Variants in GRIK2 observed in about 807,000 individuals in gnomAD.
GRIK2 encodes glutamate receptor ionotropic, kainate 2.
In GRIK2, 32 loss-of-function variants were observed where a neutral mutation model predicts 100.3. That is an observed-to-expected ratio of 0.32 (90% CI 0.24 to 0.43). The LOEUF (loss-of-function observed/expected upper bound fraction) is 0.43, where lower values mean the gene tolerates loss of function less well. GRIK2 is among the 20% of genes least tolerant of loss of function. GRIK2 has a pLI of 1.00. For synonymous variants in GRIK2, 417 were observed against 389.4 expected (o/e 1.07, Z -0.83); for missense variants, 843 against 1,114.9 (o/e 0.76, Z 3.47).
chr6:101,397,977 T>A (rs1775081587), intron 1 of GRIK2, among the ~76,000 whole-genome samples: 1 of 152,034 alleles, frequency 6.6e-6, no homozygotes, highest in Non-Finnish European at 1.5e-5. Context: ...AATAAAAATG[T>A]ATTTTTATGT....
intron 7 of GRIK2, among the ~76,000 whole-genome samples, chr6:101,707,606 G>GTA (rs201561174): frequency 0.072 from 8,843 of 122,750 alleles, 435 homozygotes; most frequent in East Asian, 0.2. Context: ...ATATATGTGT[G>GTA]TATATATATA....
At chr6:101,464,497 C>CTTTTTTT in intron 2 of GRIK2, among the ~76,000 whole-genome samples, 1 of 62,008 alleles carries the variant, frequency 1.6e-5, no homozygotes, top group Non-Finnish European at 3.0e-5. Flanking sequence ...CTTTTTCTTT[C>CTTTTTTT]TTTTTTTTTT....
At chr6:101,869,675 T>A (rs1422306438) in intron 11 of GRIK2, among the ~76,000 whole-genome samples, 1 of 151,844 alleles carries the variant, frequency 6.6e-6, no homozygotes, top group East Asian at 1.9e-4. Context: ...CACTGGCTTT[T>A]GAGGAAAAAA....
At chr6:101,433,455 A>T (rs1467962530) in intron 2 of GRIK2, among the ~76,000 whole-genome samples, 1 of 152,218 alleles carries the variant, frequency 6.6e-6, no homozygotes, top group Admixed American at 6.5e-5. Context: ...TAGGATGGTT[A>T]TGAGTATTAA....
intron 10 of GRIK2, among the ~76,000 whole-genome samples, chr6:101,855,832 C>T (rs911607860): frequency 3.4e-5 from 5 of 147,102 alleles, no homozygotes; most frequent in Admixed American, 6.8e-5. Flanking sequence ...TGAGGGGGGG[C>T]AGAAATGGAA....
At chr6:101,638,867 A>C (rs556758388) in intron 4 of GRIK2, among the ~76,000 whole-genome samples, 1 of 152,134 alleles carries the variant, frequency 6.6e-6, no homozygotes, top group African/African-American at 2.4e-5. Context: ...CTCACCTGTA[A>C]CCCCAGCTAC....
At chr6:102,065,657 G>T (rs1771981103) in intron 16 of GRIK2, 1 of 514,542 alleles carries the variant, frequency 1.9e-6, no homozygotes. Flanking sequence ...TGAAGATTTG[G>T]GAAATTTATT....
At chr6:101,566,338 T>A (rs1413658096) in intron 2 of GRIK2, among the ~76,000 whole-genome samples, 1 of 152,048 alleles carries the variant, frequency 6.6e-6, no homozygotes, top group African/African-American at 2.4e-5. Context: ...ACTTCAAATG[T>A]ATTGAAGAAA....
intron 7 of GRIK2, among the ~76,000 whole-genome samples, chr6:101,782,891 C>T (rs1779184445): frequency 6.9e-6 from 1 of 145,222 alleles, no homozygotes; most frequent in Non-Finnish European, 1.5e-5. Context: ...TGGAGTCTCA[C>T]TGTCGCCCAG....
At chr6:101,656,810 C>A (rs1483278762) in intron 4 of GRIK2, among the ~76,000 whole-genome samples, 2 of 152,156 alleles carry the variant, frequency 1.3e-5, no homozygotes, top group African/African-American at 4.8e-5. Flanking sequence ...TTCTTAAAAG[C>A]AGAGGCTTGC....
intron 11 of GRIK2, among the ~76,000 whole-genome samples, chr6:101,888,671 T>G (rs1184979930): frequency 6.6e-6 from 1 of 152,154 alleles, no homozygotes; most frequent in Non-Finnish European, 1.5e-5. Flanking sequence ...TTTCTAAGTT[T>G]CTTCGTTAAG....
intron 11 of GRIK2, among the ~76,000 whole-genome samples, chr6:101,887,742 G>T (rs972063002): frequency 6.6e-6 from 1 of 152,052 alleles, no homozygotes; most frequent in South Asian, 2.1e-4. Flanking sequence ...GAAGGGGGAA[G>T]GGAGAAGTGC....
At chr6:101,677,889 C>T (rs1476410355) in intron 5 of GRIK2, among the ~76,000 whole-genome samples, 2 of 152,070 alleles carry the variant, frequency 1.3e-5, no homozygotes, top group Non-Finnish European at 2.9e-5. Context: ...TGTTGATTTT[C>T]ACAGTAAAAT....
chr6:102,054,285 A>G (rs1217144851), intron 15 of GRIK2, among the ~76,000 whole-genome samples: 1 of 152,172 alleles, frequency 6.6e-6, no homozygotes, highest in African/African-American at 2.4e-5. Context: ...ATAGATGTGG[A>G]CACATTTAAA....
At chr6:101,944,114 T>G (rs974456354) in intron 14 of GRIK2, among the ~76,000 whole-genome samples, 1 of 152,134 alleles carries the variant, frequency 6.6e-6, no homozygotes, top group Non-Finnish European at 1.5e-5. Flanking sequence ...TTAAAGTGTG[T>G]GGCACCTACC....
chr6:101,669,220 A>G (rs1770248377), intron 4 of GRIK2, among the ~76,000 whole-genome samples: 1 of 152,200 alleles, frequency 6.6e-6, no homozygotes, highest in Non-Finnish European at 1.5e-5. Flanking sequence ...TGTTTTAAGG[A>G]GTTATAATTC....
chr6:101,528,415 T>G (rs2518251), intron 2 of GRIK2, among the ~76,000 whole-genome samples: 41,073 of 152,060 alleles, frequency 0.27, 5,714 homozygotes, highest in South Asian at 0.44. Context: ...AAAACTATAA[T>G]TAGCTCAGGT....
intron 10 of GRIK2, among the ~76,000 whole-genome samples, chr6:101,820,006 A>C (rs534370387): frequency 1.3e-5 from 2 of 151,968 alleles, no homozygotes; most frequent in East Asian, 1.9e-4. Context: ...ACTCTCTCTC[A>C]CCTTTTTATC....
intron 2 of GRIK2, among the ~76,000 whole-genome samples, chr6:101,489,536 C>T (rs1423063334): frequency 6.8e-6 from 1 of 146,110 alleles, no homozygotes; most frequent in Non-Finnish European, 1.5e-5. Flanking sequence ...TATCATTTTG[C>T]CAACTATGAT....
Sources: gnomAD v4.1 joint callset for allele counts (sites outside exome capture counted in the v4.1 genomes callset) on GRCh38, gnomAD v4.1.1 for gene constraint, MANE v1.5 for transcripts, NCBI Gene and HGNC (gene_info 2026-07-23, HGNC 2026-07-21) for gene names.